CSRP1: variants seen among roughly 807,000 people sequenced by gnomAD.
The protein encoded by CSRP1 is cysteine and glycine-rich protein 1.
CSRP1 carries 16 observed loss-of-function variants against 25.4 expected under a neutral mutation model. That is an observed-to-expected ratio of 0.63 (90% CI 0.43 to 0.96). The LOEUF (loss-of-function observed/expected upper bound fraction) is 0.96. Among genes scored for constraint, CSRP1 ranks in the 40% least tolerant of loss-of-function variants. The pLI is 0.00. For synonymous variants in CSRP1, 97 were observed against 95.3 expected (o/e 1.02, Z -0.10); for missense variants, 212 against 243.6 (o/e 0.87, Z 0.86).
intron 1 of CSRP1, among the ~76,000 whole-genome samples, chr1:201,500,619 G>A (rs1181844231): frequency 1.3e-5 from 2 of 152,262 alleles, no homozygotes; most frequent in Non-Finnish European, 2.9e-5. Context: ...TAGCCAGGAA[G>A]GGTTTCAGGC....
At chr1:201,506,279 A>T (rs1258776725) in intron 1 of CSRP1, among the ~76,000 whole-genome samples, 1 of 152,096 alleles carries the variant, frequency 6.6e-6, no homozygotes. Flanking sequence ...GGGTGGCTGG[A>T]GCCCAGGGCT....
chr1:201,484,168 A>C lies in CSRP1; in HGVS notation c.*545T>G. The C allele has an allele frequency of 3.3e-6, 2 of 605,592 alleles. No individual in the cohort carries two copies. The highest frequency in any genetic ancestry group is 2.8e-5 in the East Asian group (1 of 36,050). 37.5% of individuals were successfully genotyped at this position (605,592 alleles called of 1,614,324 possible). A position where few individuals can be genotyped will look rare whatever the true frequency, so the allele number is the denominator to read the frequency against. On this transcript the variant is annotated 3_prime_UTR_variant, in exon 6 of 6. Coordinates refer to ENST00000340006, the MANE Select transcript of CSRP1 (RefSeq NM_004078.3). ...CAGGGGCTCCTAGGACCCTGCCTGC[A>C]TGCCTCTCTGCCTCCAATAGTGACT...
intron 1 of CSRP1, 133 bp downstream of exon 1, chr1:201,506,937 G>A (rs550613211): frequency 6.6e-6 from 1 of 152,378 alleles, no homozygotes; most frequent in Non-Finnish European, 1.5e-5. Context: ...GGCTAACTGC[G>A]GTCACTTCTC....
chr1:201,497,822 CA>C (rs1384856463), intron 1 of CSRP1, among the ~76,000 whole-genome samples: 1 of 151,994 alleles, frequency 6.6e-6, no homozygotes, highest in East Asian at 1.9e-4. Flanking sequence ...CCAGCCTGAC[CA>C]ACATGGTGAA....
rs1664684308 is a variant in CSRP1, at chr1:201,501,991, C to CT, written c.-2+5078_-2+5079insA. Among the ~76,000 whole-genome samples the CT allele has an allele frequency of 3.2e-5, 3 of 93,636 alleles. No homozygotes were observed. The South Asian group carries it at 1.1e-3, about 36-fold the overall frequency. 61.4% of individuals were successfully genotyped at this position (93,636 alleles called of 152,430 possible). On this transcript the variant is annotated intron_variant, in intron 1 of 5. Coordinates refer to ENST00000340006, the MANE Select transcript of CSRP1 (RefSeq NM_004078.3). The stretch of plus-strand genomic sequence containing the variant: ...TGGGCAATAAAGCAATACTCAGTCT[C>CT]AAAATAAATAAATAAATAAATAAAT...
At chr1:201,488,184 C>G (rs556118712) in intron 4 of CSRP1, 1 of 152,356 alleles carries the variant, frequency 6.6e-6, no homozygotes, top group East Asian at 1.9e-4. Flanking sequence ...TGCCTCTTCT[C>G]TACTGCAGCC....
At chr1:201,490,062 G>T in intron 3 of CSRP1, 114 bp downstream of exon 3, 1 of 1,062,260 alleles carries the variant, frequency 9.4e-7, no homozygotes, top group Non-Finnish European at 1.3e-6. Context: ...TTAAATAACT[G>T]GTTTTCTGAG....
chr1:201,506,440 C>T (rs1172962843), intron 1 of CSRP1, among the ~76,000 whole-genome samples: 2 of 152,222 alleles, frequency 1.3e-5, no homozygotes, highest in African/African-American at 4.8e-5. Context: ...TTAGCTAACA[C>T]ATTGTGATTT....
chr1:201,503,318 G>A (rs1664720090), intron 1 of CSRP1, among the ~76,000 whole-genome samples: 1 of 152,180 alleles, frequency 6.6e-6, no homozygotes, highest in African/African-American at 2.4e-5. Context: ...GTTATTCCAT[G>A]CTGAACAAAA....
At position 201,490,306 on chromosome 1, in the gene CSRP1, C is replaced by T. The variant is rs764915062; in HGVS notation, c.151G>A (p.Val51Met). ...TTGCAGTAAATCTCCTCACCATGCA[C>T]GGCCACAGTGGTACTGTCCAGATTC... Reference protein sequence around the residue: ...KKNLDSTTVAVHGEEIYCKSC... With the variant: ...KKNLDSTTVAMHGEEIYCKSC... Residue 51 changes from valine (V) to methionine (M), a missense_variant, in exon 3 of 6, where the codon GTG becomes ATG. Physicochemically the swap from Val to Met is conservative, Grantham distance 21 (BLOSUM62 1). Transcript: ENST00000340006. 25 of 1,614,050 alleles carry T rather than the reference C, an allele frequency of 1.5e-5. 1 individual carries two copies. The highest frequency in any genetic ancestry group is 1.6e-4 in the Middle Eastern group (1 of 6,076).
In CSRP1 at chr1:201,485,234, C is replaced by A. The variant is rs753089595; in HGVS notation, c.505+49G>T. 4.5e-6 allele frequency: 7 copies of A among 1,553,756 alleles called. No homozygotes were observed. The Admixed American group carries it at 1.2e-4, about 26-fold the overall frequency. ...AGCAAAGGCAAAACTACTTAGCCCC[C>A]CTACCCCCTTGGGCCTCCTGACCCT... On this transcript the variant is annotated intron_variant, in intron 5 of 5. Transcript: ENST00000340006.
At chr1:201,500,552 G>T (rs539656545) in intron 1 of CSRP1, among the ~76,000 whole-genome samples, 1 of 152,392 alleles carries the variant, frequency 6.6e-6, no homozygotes, top group Admixed American at 6.5e-5. Flanking sequence ...CCCCTCAAGA[G>T]CCCAGTGAAA....
intron 3 of CSRP1, 93 bp from the exon 4 acceptor site, chr1:201,489,077 C>T: frequency 6.5e-7 from 1 of 1,527,554 alleles, no homozygotes. Flanking sequence ...TCATCTCATG[C>T]CAGAGCAGCG....
In CSRP1 at chr1:201,484,296, C is replaced by T. The variant is rs1266939719; in HGVS notation, c.*417G>A. On this transcript the variant is annotated 3_prime_UTR_variant, in exon 6 of 6. Coordinates refer to ENST00000340006, the MANE Select transcript of CSRP1 (RefSeq NM_004078.3). Reference sequence around the variant, plus strand: ...GAGATCCAAAAAACCCAGCCTTCCCCCCTCCTCATCTTGGTCTTGCTTCCC... The same window carrying T: ...GAGATCCAAAAAACCCAGCCTTCCCTCCTCCTCATCTTGGTCTTGCTTCCC... 2 of 510,804 alleles carry T rather than the reference C, an allele frequency of 3.9e-6. No individual in the cohort carries two copies. Among genetic ancestry groups the T allele is most frequent in the African/African-American group, 3.8e-5 (2 of 53,092 alleles). The allele number at this position is 510,804 out of a possible 1,614,324, so 31.6% of individuals were successfully genotyped here.
intron 1 of CSRP1, among the ~76,000 whole-genome samples, chr1:201,499,523 G>A (rs1202081674): frequency 6.6e-6 from 1 of 152,160 alleles, no homozygotes; most frequent in East Asian, 1.9e-4. Flanking sequence ...CTCTGATAAG[G>A]TGACTCAATG....
At chr1:201,494,493 C>T (rs1571781083) in intron 2 of CSRP1, among the ~76,000 whole-genome samples, 1 of 152,336 alleles carries the variant, frequency 6.6e-6, no homozygotes, top group Non-Finnish European at 1.5e-5. Context: ...GCCAACAAAG[C>T]TCCACTAAAC....
intron 1 of CSRP1, among the ~76,000 whole-genome samples, chr1:201,502,941 C>G (rs1249689325): frequency 3.3e-5 from 5 of 151,056 alleles, no homozygotes; most frequent in African/African-American, 1.2e-4. Flanking sequence ...TTGAGACCAG[C>G]CTGGCCAACA....
rs1432754186 is a variant in CSRP1, at chr1:201,507,120, G to C, written c.-52C>G. On this transcript the variant is annotated 5_prime_UTR_variant, in exon 1 of 6. Transcript: ENST00000340006. ...GGCGGCAGGCGCTCTCGGAAGTGGCGGCTGGGTGCGCCCGGCCTGCGCGCC... is the reference window on the plus strand; with the variant it reads ...GGCGGCAGGCGCTCTCGGAAGTGGCCGCTGGGTGCGCCCGGCCTGCGCGCC... 3 of 152,390 alleles carry C rather than the reference G, an allele frequency of 2.0e-5. No individual in the cohort carries two copies. The East Asian group carries it at 5.8e-4, about 30-fold the overall frequency. The allele number at this position is 152,390 out of a possible 1,614,324, so 9.4% of individuals were successfully genotyped here. A position where few individuals can be genotyped will look rare whatever the true frequency, so the allele number is the denominator to read the frequency against.
At position 201,488,898 on chromosome 1, in the gene CSRP1, C is replaced by T. The variant is rs751507542; in HGVS notation, c.368G>A (p.Ser123Asn). The T allele has an allele frequency of 2.5e-6, 4 of 1,614,148 alleles. No individual in the cohort carries two copies. The South Asian group carries it at 4.4e-5, about 18-fold the overall frequency. Residue 123 changes from serine (S) to asparagine (N), a missense_variant, in exon 4 of 6, where the codon AGC becomes AAC. By Grantham distance (46) the Ser-to-Asn change is conservative. Coordinates refer to ENST00000340006, the MANE Select transcript of CSRP1 (RefSeq NM_004078.3). ...IGGSERCPRC[S>N]QAVYAAEKVI... ...CTTCTCCGCAGCATAGACTGCCTGG[C>T]TGCATCGGGGGCAGCGCTCGGAGCC...
Sources: allele counts gnomAD v4.1 joint callset (sites outside exome capture counted in the v4.1 genomes callset), GRCh38; gene constraint gnomAD v4.1.1; transcripts MANE v1.5; gene names NCBI Gene and HGNC (gene_info 2026-07-23, HGNC 2026-07-21).